PIK3R3: variants seen among roughly 807,000 people sequenced by gnomAD.
PIK3R3 encodes phosphoinositide-3-kinase regulatory subunit 3, also known as phosphatidylinositol 3-kinase regulatory subunit gamma.
PIK3R3 carries 64 observed loss-of-function variants against 62.9 expected under a neutral mutation model. The ratio of observed to expected loss-of-function variants is 1.02; its 90% CI spans 0.83 to 1.25. The LOEUF (loss-of-function observed/expected upper bound fraction) is 1.25. Among genes scored for constraint, PIK3R3 ranks in the 50% most tolerant of loss-of-function variants. PIK3R3 has a pLI of 0.00. For synonymous variants in PIK3R3, 165 were observed against 189.0 expected, an observed-to-expected ratio of 0.87 and a Z score of 1.04; for missense variants, 614 against 561.6, an observed-to-expected ratio of 1.09 and a Z score of -0.94.
At chr1:46,096,840 TA>T (rs201258613) in intron 1 of PIK3R3, among the ~76,000 whole-genome samples, 404 of 126,840 alleles carry the variant, frequency 3.2e-3, no homozygotes, top group East Asian at 3.5e-3. Context: ...GACTCTGTCT[TA>T]AAAAAAAAAA....
chr1:46,087,592 C>CTTTTTTTTTTTTTTTTTTTTTTTTT (rs35296719), intron 1 of PIK3R3, among the ~76,000 whole-genome samples: 1 of 100,360 alleles, frequency 1.0e-5, no homozygotes. Flanking sequence ...ACATATTCAT[C>CTTTTTTTTTTTTTTTTTTTTTTTTT]TTTTTTTTTT....
the PIK3R3 span, among the ~76,000 whole-genome samples, chr1:46,165,740 G>T: frequency 1.8e-5 from 2 of 108,156 alleles, no homozygotes; most frequent in Admixed American, 9.6e-5. Flanking sequence ...AATTTAAACT[G>T]CTGCTTTGTC....
chr1:46,122,454 C>G (rs1321641053), intron 1 of PIK3R3, among the ~76,000 whole-genome samples: 1 of 152,186 alleles, frequency 6.6e-6, no homozygotes, highest in Non-Finnish European at 1.5e-5. Context: ...GCTGCAACCT[C>G]TGCCTCCAGG....
chr1:46,121,523 G>A (rs1571556634), intron 1 of PIK3R3, among the ~76,000 whole-genome samples: 3 of 151,988 alleles, frequency 2.0e-5, no homozygotes, highest in Admixed American at 6.6e-5. Flanking sequence ...GGTTGGGCAC[G>A]GTGGCTCACA....
chr1:46,132,803 T>C, upstream of PIK3R3: 1 of 1,242,736 alleles, frequency 8.0e-7, no homozygotes, highest in South Asian at 1.3e-5. Context: ...GTCAAGTGCC[T>C]GAGAACATGT....
chr1:46,050,925 A>T (rs1198084744), intron 7 of PIK3R3, among the ~76,000 whole-genome samples: 1 of 152,260 alleles, frequency 6.6e-6, no homozygotes, highest in African/African-American at 2.4e-5. Flanking sequence ...ACACCATGCT[A>T]AGTGAAAGAA....
the PIK3R3 span, among the ~76,000 whole-genome samples, chr1:46,143,127 G>A: frequency 1.3e-5 from 2 of 152,180 alleles, no homozygotes; most frequent in Non-Finnish European, 2.9e-5. Context: ...AGCCTTTCTT[G>A]TGGAGAATCT....
chr1:46,098,828 G>A (rs527607107), intron 1 of PIK3R3, among the ~76,000 whole-genome samples: 1 of 152,186 alleles, frequency 6.6e-6, no homozygotes, highest in East Asian at 1.9e-4. Context: ...GGCCTTCCAA[G>A]TAACTGGGAC....
intron 1 of PIK3R3, among the ~76,000 whole-genome samples, chr1:46,093,018 A>T (rs995503334): frequency 6.6e-6 from 1 of 152,200 alleles, no homozygotes; most frequent in Non-Finnish European, 1.5e-5. Flanking sequence ...GTGGACCCTC[A>T]AAACAATCCA....
chr1:46,132,753 G>T, upstream of PIK3R3: 4 of 1,283,932 alleles, frequency 3.1e-6, no homozygotes, highest in South Asian at 2.5e-5. Context: ...CATCACCACC[G>T]CCCCTTCCAC....
chr1:46,094,969 T>C (rs921343552), intron 1 of PIK3R3, among the ~76,000 whole-genome samples: 1 of 152,240 alleles, frequency 6.6e-6, no homozygotes, highest in African/African-American at 2.4e-5. Context: ...GAGACACATA[T>C]GATATTTTCA....
chr1:46,161,832 C>T, the PIK3R3 span, among the ~76,000 whole-genome samples: 1 of 152,214 alleles, frequency 6.6e-6, no homozygotes, highest in South Asian at 2.1e-4. Flanking sequence ...GTGGCTCAAG[C>T]CTGTAATCCC....
At chr1:46,067,226 GA>G (rs952479914) in intron 3 of PIK3R3, 135 bp from the exon 4 acceptor site, 3 of 431,144 alleles carry the variant, frequency 7.0e-6, no homozygotes, top group Non-Finnish European at 1.2e-5. Context: ...TGGAAGGAGT[GA>G]AAAGGCATGT....
At chr1:46,113,163 A>T (rs564450935) in intron 1 of PIK3R3, among the ~76,000 whole-genome samples, 21 of 152,080 alleles carry the variant, frequency 1.4e-4, no homozygotes, top group African/African-American at 4.8e-4. Flanking sequence ...TCTCTTCCCT[A>T]CTTAAAACCA....
At chr1:46,165,358 T>A in the PIK3R3 span, among the ~76,000 whole-genome samples, 1 of 149,158 alleles carries the variant, frequency 6.7e-6, no homozygotes, top group South Asian at 2.1e-4. Context: ...CAGGCTGGAA[T>A]GCAATGGTGT....
intron 1 of PIK3R3, among the ~76,000 whole-genome samples, chr1:46,127,847 G>C (rs562705342): frequency 6.6e-6 from 1 of 152,238 alleles, no homozygotes; most frequent in African/African-American, 2.4e-5. Flanking sequence ...ACAGGCATTA[G>C]CCACCACACC....
intron 3 of PIK3R3, among the ~76,000 whole-genome samples, chr1:46,069,733 G>C (rs1443570476): frequency 6.6e-6 from 1 of 152,122 alleles, no homozygotes; most frequent in Non-Finnish European, 1.5e-5. Flanking sequence ...CAGAAAAAGA[G>C]GTCCAAGGCC....
intron 1 of PIK3R3, 111 bp from the exon 2 acceptor site, chr1:46,080,861 C>A: frequency 1.5e-6 from 1 of 663,534 alleles, no homozygotes; most frequent in Non-Finnish European, 2.6e-6. Context: ...AATTATCAAT[C>A]AAATTGAGTA....
chr1:46,146,077 T>C, the PIK3R3 span, among the ~76,000 whole-genome samples: 3 of 152,232 alleles, frequency 2.0e-5, no homozygotes, highest in Non-Finnish European at 2.9e-5. Context: ...TCCCTCTTTT[T>C]CATGTCTAAC....
Sources: gnomAD v4.1 joint callset for allele counts (sites outside exome capture counted in the v4.1 genomes callset) on GRCh38, gnomAD v4.1.1 for gene constraint, MANE v1.5 for transcripts, NCBI Gene and HGNC (gene_info 2026-07-23, HGNC 2026-07-21) for gene names.